The following ARHGAP19 variants were observed in gnomAD, a reference collection of about 807,000 sequenced individuals.
ARHGAP19 encodes the protein Rho GTPase activating protein 19, also known as rho GTPase-activating protein 19.
ARHGAP19 carries 48 observed loss-of-function variants against 60.9 expected under a neutral mutation model. The observed-to-expected ratio is 0.79, with a 90% CI of 0.62 to 1.00. The LOEUF is 1.00. Among genes scored for constraint, ARHGAP19 ranks in the 50% least tolerant of loss-of-function variants. The pLI is 0.00. For synonymous variants in ARHGAP19, 209 were observed against 215.5 expected (o/e 0.97, Z 0.27); for missense variants, 562 against 597.2 (o/e 0.94, Z 0.61).
chr10:97,287,600 G>A (rs190098654), intron 1 of ARHGAP19, among the ~76,000 whole-genome samples: 240 of 152,158 alleles, frequency 1.6e-3, no homozygotes, highest in African/African-American at 5.4e-3. Context: ...AAAATTAGCC[G>A]AGTGTGGTGG....
Position 97,231,059 on chromosome 10 carries a change from C to CAAAAAAAAA in ARHGAP19, c.1285-1194_1285-1186dup, listed in dbSNP as rs869291841. 5.4e-3 allele frequency among the ~76,000 whole-genome samples: 324 copies of CAAAAAAAAA among 59,758 alleles called. 24 individuals are homozygous for CAAAAAAAAA. Among genetic ancestry groups the CAAAAAAAAA allele is most frequent in the Non-Finnish European group, 7.2e-3 (253 of 35,046 alleles). The allele number at this position is 59,758 out of a possible 152,430, so 39.2% of individuals were successfully genotyped here. A position where few individuals can be genotyped will look rare whatever the true frequency, so the allele number is the denominator to read the frequency against. The stretch of plus-strand genomic sequence containing the variant: ...ACACCTAGTGAGACTCTTGTCTCAC[C>CAAAAAAAAA]AAAAAAAAAAAAAAAAAAAAAAAAA... On this transcript the variant is annotated intron_variant, in intron 9 of 11. Coordinates refer to ENST00000358531, the MANE Select transcript of ARHGAP19 (RefSeq NM_032900.6).
At chr10:97,272,403 G>A (rs1485847916) in intron 1 of ARHGAP19, among the ~76,000 whole-genome samples, 1 of 152,016 alleles carries the variant, frequency 6.6e-6, no homozygotes, top group Non-Finnish European at 1.5e-5. Flanking sequence ...CCACAAGCAT[G>A]AGCCACCACG....
chr10:97,253,396 G>A (rs1842714241), intron 6 of ARHGAP19, among the ~76,000 whole-genome samples: 2 of 142,520 alleles, frequency 1.4e-5, no homozygotes, highest in Non-Finnish European at 3.2e-5. Flanking sequence ...AAAAAAAAAA[G>A]TGCATCTCAT....
intron 6 of ARHGAP19, among the ~76,000 whole-genome samples, chr10:97,249,797 C>CT (rs34158492): frequency 0.045 from 4,869 of 109,020 alleles, 180 homozygotes; most frequent in Non-Finnish European, 0.067. Flanking sequence ...TAGTGTGATT[C>CT]TTTTTTTTTT....
rs757096169 is a variant in ARHGAP19, at chr10:97,264,896, C to T, written c.333G>A (p.Val111=). 5 of 1,612,924 alleles carry T rather than the reference C, an allele frequency of 3.1e-6. No homozygotes were observed. Among genetic ancestry groups the T allele is most frequent in the South Asian group, 2.2e-5 (2 of 91,042 alleles). ...LMSLKRKEKG[V]IFGSPLTEEG... ...CCTCCGTCAGTGGGGACCCAAATAT[C>T]ACTCCTTTTTCTGAAAAACCATATG... The change falls in exon 3 of 12, where the codon GTG becomes GTA. Residue 111 remains valine, a synonymous_variant. Coordinates refer to ENST00000358531, the MANE Select transcript of ARHGAP19 (RefSeq NM_032900.6).
At chr10:97,289,286 GT>G (rs1426095592) in intron 1 of ARHGAP19, among the ~76,000 whole-genome samples, 1 of 151,518 alleles carries the variant, frequency 6.6e-6, no homozygotes, top group East Asian at 1.9e-4. Context: ...TGCTAATTTT[GT>G]GTATTTTTCA....
At chr10:97,292,250 A>C (rs528874154) in intron 1 of ARHGAP19, among the ~76,000 whole-genome samples, 3 of 152,322 alleles carry the variant, frequency 2.0e-5, no homozygotes, top group Admixed American at 1.3e-4. Context: ...TTCGCTAACC[A>C]GCCCTGGACT....
At chr10:97,249,700 A>G (rs188443266) in intron 6 of ARHGAP19, among the ~76,000 whole-genome samples, 198 of 152,296 alleles carry the variant, frequency 1.3e-3, no homozygotes, top group Non-Finnish European at 4.7e-4. Flanking sequence ...AGTATGAAAT[A>G]CATTCTTAGG....
At chr10:97,288,651 TGTAAA>T (rs905932908) in intron 1 of ARHGAP19, among the ~76,000 whole-genome samples, 1 of 151,518 alleles carries the variant, frequency 6.6e-6, no homozygotes, top group Non-Finnish European at 1.5e-5. Flanking sequence ...AGAAAGAATC[TGTAAA>T]GTATTTATCA....
intron 1 of ARHGAP19, among the ~76,000 whole-genome samples, chr10:97,266,754 G>C (rs1842903631): frequency 3.9e-5 from 6 of 152,278 alleles, no homozygotes; most frequent in South Asian, 2.1e-4. Flanking sequence ...AGGCAAGAGA[G>C]TGTGTGAAGG....
chr10:97,235,020 G>A (rs546915827), intron 9 of ARHGAP19, among the ~76,000 whole-genome samples, 197 bp downstream of exon 9: 1 of 152,314 alleles, frequency 6.6e-6, no homozygotes, highest in South Asian at 2.1e-4. Context: ...TCACGTCACA[G>A]AGCCCCTTCT....
chr10:97,272,414 C>T lies in ARHGAP19; in HGVS notation c.57-6289G>A, dbSNP rs76774207. Among the ~76,000 whole-genome samples, 1,461 of 152,132 alleles carry T rather than the reference C, an allele frequency of 9.6e-3. 24 individuals carry two copies. The highest frequency in any genetic ancestry group is 0.033 in the African/African-American group (1,382 of 41,506). On this transcript the variant is annotated intron_variant, in intron 1 of 11. Transcript: ENST00000358531. The stretch of plus-strand genomic sequence containing the variant: ...TATCCCACAAGCATGAGCCACCACG[C>T]GTGGCCAATATGTCTTATTTTTCTA...
chr10:97,281,499 G>T (rs970145440), intron 1 of ARHGAP19, among the ~76,000 whole-genome samples: 6 of 152,104 alleles, frequency 3.9e-5, no homozygotes, highest in African/African-American at 1.4e-4. Flanking sequence ...ACATAAGAAG[G>T]TGAATTGCTT....
chr10:97,271,989 A>C (rs1211344044), intron 1 of ARHGAP19, among the ~76,000 whole-genome samples: 1 of 151,962 alleles, frequency 6.6e-6, no homozygotes, highest in Non-Finnish European at 1.5e-5. Flanking sequence ...TCATTTTTAC[A>C]TGTTGCTGAA....
At chr10:97,292,290 G>T (rs991495177) in intron 1 of ARHGAP19, among the ~76,000 whole-genome samples, 2 of 152,200 alleles carry the variant, frequency 1.3e-5, no homozygotes, top group Non-Finnish European at 2.9e-5. Flanking sequence ...GAGGTGTCTC[G>T]GCGCCAAAGC....
chr10:97,269,766 C>G (rs974710717), intron 1 of ARHGAP19, among the ~76,000 whole-genome samples: 1 of 152,126 alleles, frequency 6.6e-6, no homozygotes. Context: ...ATAACTGATT[C>G]AGATCAAATT....
At chr10:97,242,324 C>CCTTT (rs1842498449) in intron 8 of ARHGAP19, among the ~76,000 whole-genome samples, 1 of 55,796 alleles carries the variant, frequency 1.8e-5, no homozygotes, top group Non-Finnish European at 3.5e-5. Context: ...TATCAGTGTT[C>CCTTT]TTTTTTTTTT....
In ARHGAP19 at chr10:97,246,400, C is replaced by G. The variant is rs893607522; in HGVS notation, c.928-63G>C. On this transcript the variant is annotated intron_variant, in intron 6 of 11. Transcript: ENST00000358531. ...TAGTAGAATATAACATTCTTTCAGG[C>G]CGCAAGGACAGTGGTTCTCAAAATC... 7 of 1,306,572 alleles carry G rather than the reference C, an allele frequency of 5.4e-6. No individual in the cohort carries two copies. The Admixed American group carries it at 1.1e-4, about 20-fold the overall frequency. 80.9% of individuals were successfully genotyped at this position (1,306,572 alleles called of 1,614,324 possible). A position where few individuals can be genotyped will look rare whatever the true frequency, so the allele number is the denominator to read the frequency against.
intron 1 of ARHGAP19, among the ~76,000 whole-genome samples, chr10:97,287,975 T>C (rs948022745): frequency 3.3e-5 from 5 of 152,116 alleles, no homozygotes; most frequent in Admixed American, 6.5e-5. Flanking sequence ...GGCAGGAGAA[T>C]CTTTTGAACC....
Sources: gnomAD v4.1 joint callset for allele counts (sites outside exome capture counted in the v4.1 genomes callset) on GRCh38, gnomAD v4.1.1 for gene constraint, MANE v1.5 for transcripts, NCBI Gene and HGNC (gene_info 2026-07-23, HGNC 2026-07-21) for gene names.